The following TMEM132B variants were observed in gnomAD, a reference collection of about 807,000 sequenced individuals.
TMEM132B encodes transmembrane protein 132B.
TMEM132B carries 18 observed loss-of-function variants against 90.8 expected under a neutral mutation model. The observed-to-expected ratio is 0.20, with a 90% CI of 0.14 to 0.29. The LOEUF (loss-of-function observed/expected upper bound fraction) is 0.29. Among genes scored for constraint, TMEM132B ranks in the 10% least tolerant of loss-of-function variants. The probability of loss-of-function intolerance (pLI) is 1.00; values close to 1 mark genes in which losing one functional copy is unlikely to be tolerated. For missense variants in TMEM132B, 1,096 were observed against 1,326.8 expected (o/e 0.83, Z 2.70); for synonymous variants, 504 against 523.3 (o/e 0.96, Z 0.50).
At chr12:125,633,547 A>G (rs935593032) in intron 5 of TMEM132B, among the ~76,000 whole-genome samples, 6 of 152,228 alleles carry the variant, frequency 3.9e-5, no homozygotes, top group African/African-American at 1.4e-4. Flanking sequence ...CTGCCTGGGC[A>G]TGTTTGTACC....
chr12:125,288,279 A>G (rs939088726), intron 1 of TMEM132B, among the ~76,000 whole-genome samples: 4 of 147,330 alleles, frequency 2.7e-5, no homozygotes, highest in African/African-American at 9.9e-5. Flanking sequence ...CCTAACCAAC[A>G]TGGTGAAACC....
intron 3 of TMEM132B, among the ~76,000 whole-genome samples, chr12:125,507,138 T>G (rs1156453333): frequency 6.6e-6 from 1 of 152,316 alleles, no homozygotes; most frequent in East Asian, 1.9e-4. Flanking sequence ...TGGACACGAA[T>G]AAGACCTCAG....
Position 125,609,678 on chromosome 12 carries a change from G to A in TMEM132B, c.1437+25684G>A, listed in dbSNP as rs188970047. The stretch of plus-strand genomic sequence containing the variant: ...AAAAAATATAAAAAATTAGCCGGGC[G>A]TGGTGGCGGGCGCCTGTAGTCCCAG... On this transcript the variant is annotated intron_variant, in intron 5 of 8. Coordinates refer to ENST00000682704, the MANE Select transcript of TMEM132B (RefSeq NM_001366854.1). Among the ~76,000 whole-genome samples, 75 of 151,770 alleles carry A rather than the reference G, an allele frequency of 4.9e-4. No homozygotes were observed. In the East Asian group the frequency reaches 0.011, roughly 22 times the overall value.
chr12:125,661,942 A>G lies in TMEM132B; in HGVS notation c.*7232A>G, dbSNP rs1247619258. 5 of 152,170 alleles carry G rather than the reference A, an allele frequency of 3.3e-5. No homozygotes were observed. The highest frequency in any genetic ancestry group is 4.8e-5 in the African/African-American group (2 of 41,432). 9.4% of individuals were successfully genotyped at this position (152,170 alleles called of 1,614,324 possible). A position where few individuals can be genotyped will look rare whatever the true frequency, so the allele number is the denominator to read the frequency against. ...GTCTACAGGGCATGCTGTTGTCTCA[A>G]AATTGAAATGTGCATCTTAGGTATC... On this transcript the variant is annotated 3_prime_UTR_variant, in exon 9 of 9. Coordinates refer to ENST00000682704, the MANE Select transcript of TMEM132B (RefSeq NM_001366854.1).
chr12:125,208,990 C>T (rs1167650235), intron 1 of TMEM132B, among the ~76,000 whole-genome samples: 1 of 152,182 alleles, frequency 6.6e-6, no homozygotes, highest in Non-Finnish European at 1.5e-5. Flanking sequence ...GTGCTGCGTC[C>T]CCTCTGAGTG....
chr12:125,475,992 A>T (rs1318468781), intron 3 of TMEM132B, among the ~76,000 whole-genome samples: 1 of 152,054 alleles, frequency 6.6e-6, no homozygotes, highest in Non-Finnish European at 1.5e-5. Flanking sequence ...TGGATGTGTA[A>T]CCCTGCTTTC....
At position 125,515,957 on chromosome 12, in the gene TMEM132B, C is replaced by G. The variant is rs1465315636; in HGVS notation, c.1107-3482C>G. 2.7e-5 allele frequency among the ~76,000 whole-genome samples: 4 copies of G among 147,112 alleles called. No individual in the cohort carries two copies. In the East Asian group the frequency reaches 8.9e-4, roughly 33 times the overall value. ...TCTGTCACACACAGAGCTGCACATT[C>G]TCTCTTGTGCCGACACACACACATG... On this transcript the variant is annotated intron_variant, in intron 3 of 8. Coordinates refer to ENST00000682704, the MANE Select transcript of TMEM132B (RefSeq NM_001366854.1).
chr12:125,615,280 C>T (rs1885959087), intron 5 of TMEM132B, among the ~76,000 whole-genome samples: 1 of 151,952 alleles, frequency 6.6e-6, no homozygotes, highest in East Asian at 1.9e-4. Flanking sequence ...TCTTTCTACT[C>T]TTCCTAGAAT....
chr12:125,617,343 C>T lies in TMEM132B; in HGVS notation c.1438-26733C>T, dbSNP rs544505150. Among the ~76,000 whole-genome samples the T allele has an allele frequency of 6.0e-5, 9 of 150,376 alleles. No individual in the cohort carries two copies. The East Asian group carries it at 1.8e-3, about 29-fold the overall frequency. On this transcript the variant is annotated intron_variant, in intron 5 of 8. Coordinates refer to ENST00000682704, the MANE Select transcript of TMEM132B (RefSeq NM_001366854.1). ...GACTTTAGTAGGGCTCTTTCACTGC[C>T]CTTTTTTTTTTTTTTTTTTGAGACG...
chr12:125,253,073 T>C (rs1874351715), intron 1 of TMEM132B, among the ~76,000 whole-genome samples: 1 of 152,158 alleles, frequency 6.6e-6, no homozygotes, highest in African/African-American at 2.4e-5. Context: ...GTGAGCTGTC[T>C]TGTTGTAAGA....
chr12:125,256,929 T>A (rs1874451096), intron 1 of TMEM132B, among the ~76,000 whole-genome samples: 1 of 152,148 alleles, frequency 6.6e-6, no homozygotes, highest in East Asian at 1.9e-4. Context: ...TCAGGAGCAA[T>A]TCCAACAAGA....
chr12:125,310,769 A>G (rs1053234486), intron 1 of TMEM132B, among the ~76,000 whole-genome samples: 1 of 152,154 alleles, frequency 6.6e-6, no homozygotes, highest in African/African-American at 2.4e-5. Context: ...GTCTTACTGA[A>G]CAATGAGAGG....
chr12:125,190,577 GGGTGATGAT>G (rs1303177933), intron 1 of TMEM132B, among the ~76,000 whole-genome samples: 1 of 124,120 alleles, frequency 8.1e-6, no homozygotes, highest in Non-Finnish European at 1.7e-5. Flanking sequence ...GATAGGGAAG[GGGTGATGAT>G]GGTGATGATG....
At chr12:125,293,490 A>G (rs1214043092) in intron 1 of TMEM132B, among the ~76,000 whole-genome samples, 1 of 152,068 alleles carries the variant, frequency 6.6e-6, no homozygotes, top group Non-Finnish European at 1.5e-5. Flanking sequence ...TATTGTTTTC[A>G]TCTTTGTGTC....
At chr12:125,587,207 T>TTGTGTG (rs56061189) in intron 5 of TMEM132B, 3 of 141,460 alleles carry the variant, frequency 2.1e-5, no homozygotes, top group East Asian at 2.1e-4. Flanking sequence ...AAGTAGAGGA[T>TTGTGTG]TGTGTGTGTG....
rs1194952256 is a variant in TMEM132B, at chr12:125,657,535, T to G, written c.*2825T>G. 1.3e-5 allele frequency: 2 copies of G among 152,186 alleles called. No individual in the cohort carries two copies. The highest frequency in any genetic ancestry group is 2.9e-5 in the Non-Finnish European group (2 of 68,034). The allele number at this position is 152,186 out of a possible 1,614,324, so 9.4% of individuals were successfully genotyped here. Reference sequence around the variant, plus strand: ...TAAACCATGGGTTATAGCACCTTGTTTTCCAGCTAGTCAATATACAACTAT... The same window carrying G: ...TAAACCATGGGTTATAGCACCTTGTGTTCCAGCTAGTCAATATACAACTAT... On this transcript the variant is annotated 3_prime_UTR_variant, in exon 9 of 9. Coordinates refer to ENST00000682704, the MANE Select transcript of TMEM132B (RefSeq NM_001366854.1).
At chr12:125,312,409 A>G (rs1023463374) in intron 1 of TMEM132B, among the ~76,000 whole-genome samples, 4 of 152,254 alleles carry the variant, frequency 2.6e-5, no homozygotes, top group Admixed American at 6.5e-5. Flanking sequence ...TGCTCTGGAC[A>G]TGGGCTCAGC....
chr12:125,436,109 G>A (rs565203896), intron 3 of TMEM132B, among the ~76,000 whole-genome samples: 2 of 152,330 alleles, frequency 1.3e-5, no homozygotes, highest in African/African-American at 4.8e-5. Flanking sequence ...GTCCCTGTGC[G>A]TGGTCATGTT....
intron 4 of TMEM132B, among the ~76,000 whole-genome samples, chr12:125,527,935 C>G (rs1267561613): frequency 6.6e-6 from 1 of 152,190 alleles, no homozygotes; most frequent in Non-Finnish European, 1.5e-5. Flanking sequence ...GCCTTGGAAA[C>G]CATTTATGTC....
Sources: allele counts gnomAD v4.1 joint callset (sites outside exome capture counted in the v4.1 genomes callset), GRCh38; gene constraint gnomAD v4.1.1; transcripts MANE v1.5; gene names NCBI Gene and HGNC (gene_info 2026-07-23, HGNC 2026-07-21).